Variants in CSMD2 observed in about 807,000 individuals in gnomAD.
CSMD2 encodes the protein CUB and Sushi multiple domains 2.
A neutral mutation model predicts 398.5 loss-of-function variants in CSMD2; 130 were observed. That is an observed-to-expected ratio of 0.33 (90% CI 0.28 to 0.38). The LOEUF is 0.38. CSMD2 is among the 10% of genes least tolerant of loss of function. CSMD2 has a pLI of 1.00. For missense variants in CSMD2, 3,829 were observed against 4,764.9 expected, an observed-to-expected ratio of 0.80 and a Z score of 5.78; for synonymous variants, 1,828 against 1,908.5, an observed-to-expected ratio of 0.96 and a Z score of 1.10.
chr1:33,572,776 G>T lies in CSMD2; in HGVS notation c.7577-85C>A, dbSNP rs1440911985. 7.1e-6 allele frequency: 8 copies of T among 1,121,928 alleles called. No individual in the cohort carries two copies. In the Admixed American group the frequency reaches 2.0e-4, roughly 28 times the overall value. 69.5% of individuals were successfully genotyped at this position (1,121,928 alleles called of 1,614,324 possible). A position where few individuals can be genotyped will look rare whatever the true frequency, so the allele number is the denominator to read the frequency against. On this transcript the variant is annotated intron_variant, in intron 49 of 70. Transcript: ENST00000373381. ...TTTTTATCCTTCCTCCCCTCCCAAG[G>T]TCCTTTTATTAGTAAAAACTAATTA...
intron 12 of CSMD2, among the ~76,000 whole-genome samples, chr1:33,773,569 C>G (rs1373002232): frequency 6.6e-6 from 1 of 152,126 alleles, no homozygotes; most frequent in African/African-American, 2.4e-5. Flanking sequence ...TATGTCCTGG[C>G]CAAGCCTCTG....
chr1:33,668,499 A>G (rs556960169), intron 25 of CSMD2, among the ~76,000 whole-genome samples: 2 of 152,270 alleles, frequency 1.3e-5, no homozygotes, highest in South Asian at 4.1e-4. Flanking sequence ...ACTCTTATTG[A>G]ATACTTATCT....
intron 3 of CSMD2, among the ~76,000 whole-genome samples, chr1:34,000,988 A>C (rs1038075685): frequency 6.7e-6 from 1 of 149,174 alleles, no homozygotes; most frequent in African/African-American, 2.5e-5. Context: ...AGGAGGGGAG[A>C]AGGAGAAAGG....
At chr1:33,749,678 T>C (rs1647941195) in intron 13 of CSMD2, among the ~76,000 whole-genome samples, 1 of 152,038 alleles carries the variant, frequency 6.6e-6, no homozygotes, top group African/African-American at 2.4e-5. Flanking sequence ...TAAATATACA[T>C]AGGGATAGGA....
chr1:33,647,778 C>A (rs1643534315), intron 28 of CSMD2, among the ~76,000 whole-genome samples: 1 of 152,110 alleles, frequency 6.6e-6, no homozygotes, highest in Non-Finnish European at 1.5e-5. Flanking sequence ...GGGACAATGA[C>A]CCAAAGAAAT....
chr1:33,840,226 G>A (rs1660714522), intron 6 of CSMD2: 1 of 152,224 alleles, frequency 6.6e-6, no homozygotes, highest in Non-Finnish European at 1.5e-5. Flanking sequence ...ACAATGATGA[G>A]AGGAAAGAGA....
rs765945877 is a variant in CSMD2, at chr1:33,533,267, T to C, written c.9992-38A>G. On this transcript the variant is annotated intron_variant, in intron 63 of 70. Transcript: ENST00000373381. This position sits in a 1 kb window ranked among gnomAD's most constrained non-coding sequence, Gnocchi z 4.2. ...AAAGACCCTGTTGGACTGGAGGAGATTAGGGGCTTCAGGGGCCCTTTCGAC... is the reference window on the plus strand; with the variant it reads ...AAAGACCCTGTTGGACTGGAGGAGACTAGGGGCTTCAGGGGCCCTTTCGAC... 6.3e-7 allele frequency: 1 copy of C among 1,598,152 alleles called. No individual in the cohort carries two copies. Among genetic ancestry groups the C allele is most frequent in the Middle Eastern group, 1.7e-4 (1 of 6,038 alleles).
chr1:33,592,486 T>G (rs967492013), intron 44 of CSMD2: 1 of 717,028 alleles, frequency 1.4e-6, no homozygotes, highest in Non-Finnish European at 2.6e-6. Flanking sequence ...AGCTGCCAAG[T>G]GCCCTGAGGA....
At chr1:33,704,689 A>T (rs1044822891) in intron 22 of CSMD2, among the ~76,000 whole-genome samples, 2 of 152,240 alleles carry the variant, frequency 1.3e-5, no homozygotes, top group Non-Finnish European at 2.9e-5. Flanking sequence ...TTGTCTAACA[A>T]ATAACATTAT....
chr1:34,032,200 T>C (rs1429357719), intron 3 of CSMD2, among the ~76,000 whole-genome samples: 1 of 152,190 alleles, frequency 6.6e-6, no homozygotes, highest in Non-Finnish European at 1.5e-5. Flanking sequence ...TATGGTGTTT[T>C]CAGTTGCTTA....
chr1:34,165,183 C>A lies in CSMD2; in HGVS notation c.-86G>T. ...GAGAGCTCTGGAGCTTTTTTCTGCT[C>A]GGAAAAAATCCCGGTACGCGGGAGC... On this transcript the variant is annotated 5_prime_UTR_variant, in exon 1 of 71. Transcript: ENST00000373381. 8.5e-7 allele frequency: 1 copy of A among 1,177,802 alleles called. No individual in the cohort carries two copies. The highest frequency in any genetic ancestry group is 4.3e-5 in the South Asian group (1 of 23,352). 73.0% of individuals were successfully genotyped at this position (1,177,802 alleles called of 1,614,324 possible). A position where few individuals can be genotyped will look rare whatever the true frequency, so the allele number is the denominator to read the frequency against.
chr1:33,847,137 C>T, intron 5 of CSMD2, 141 bp from the exon 6 acceptor site: 2 of 546,212 alleles, frequency 3.7e-6, no homozygotes, highest in Non-Finnish European at 3.2e-6. Context: ...GGTGTTGCCC[C>T]AGGCCCCTCC....
At position 34,103,106 on chromosome 1, in the gene CSMD2, C is replaced by T. The variant is rs150463646; in HGVS notation, c.188-13913G>A. On this transcript the variant is annotated intron_variant, in intron 1 of 70. Coordinates refer to ENST00000373381, the MANE Select transcript of CSMD2 (RefSeq NM_001281956.2). The stretch of plus-strand genomic sequence containing the variant: ...ATTCTGTGCTTGGATTGTTCCTTCA[C>T]TCGGCTAACTCCAGGCATTTTCAAA... Among the ~76,000 whole-genome samples, 3 of 152,206 alleles carry T rather than the reference C, an allele frequency of 2.0e-5. No individual in the cohort carries two copies. The East Asian group carries it at 5.8e-4, about 29-fold the overall frequency.
At chr1:33,579,016 A>G (rs6425830) in intron 48 of CSMD2, among the ~76,000 whole-genome samples, 37,477 of 152,042 alleles carry the variant, frequency 0.25, 4,844 homozygotes, top group Middle Eastern at 0.32. Flanking sequence ...CGCAGGTGCA[A>G]ATTACACTCA....
intron 2 of CSMD2, among the ~76,000 whole-genome samples, chr1:34,042,793 G>C (rs930858669): frequency 6.6e-6 from 1 of 151,946 alleles, no homozygotes; most frequent in Non-Finnish European, 1.5e-5. Flanking sequence ...ACCCACACTG[G>C]CTTCTATTTT....
chr1:33,652,502 C>G, intron 27 of CSMD2, 41 bp from the exon 28 acceptor site: 1 of 1,605,540 alleles, frequency 6.2e-7, no homozygotes, highest in South Asian at 1.1e-5. Context: ...GCCTCTTCAC[C>G]CTGGGCTCAT....
rs181762063 is a variant in CSMD2, at chr1:33,518,694, C to T, written c.*53+771G>A. Among the ~76,000 whole-genome samples the T allele has an allele frequency of 4.2e-4, 64 of 152,252 alleles. 1 individual carries two copies. The highest frequency in any genetic ancestry group is 1.5e-3 in the African/African-American group (61 of 41,540). ...AGGTGCTCCAAAGAGGAAGGAATTC[C>T]GTCTCTGACTGCTTTTGGACTCAAG... On this transcript the variant is annotated intron_variant, in intron 70 of 70. Coordinates refer to ENST00000373381, the MANE Select transcript of CSMD2 (RefSeq NM_001281956.2). The surrounding 1 kb of genome is among the most constrained non-coding windows in gnomAD (Gnocchi z 4.3).
At chr1:34,076,928 A>AAAAAAAAAAAAAAAAAAAAATAT (rs1232288848) in intron 2 of CSMD2, among the ~76,000 whole-genome samples, 1 of 53,598 alleles carries the variant, frequency 1.9e-5, no homozygotes, top group Admixed American at 3.1e-4. Context: ...AAAAAAAAAA[A>AAAAAAAAAAAAAAAAAAAAATAT]ATATATATAT....
At chr1:33,752,260 G>A (rs761878788) in intron 13 of CSMD2, among the ~76,000 whole-genome samples, 40 of 152,200 alleles carry the variant, frequency 2.6e-4, no homozygotes, top group Non-Finnish European at 1.2e-4. Context: ...TGGGCCTGGT[G>A]GGACTCATGG....
Sources: gnomAD v4.1 joint callset for allele counts (sites outside exome capture counted in the v4.1 genomes callset) on GRCh38, gnomAD v4.1.1 for gene constraint, Gnocchi (gnomAD v3.1) non-coding constraint, MANE v1.5 for transcripts, NCBI Gene and HGNC (gene_info 2026-07-23, HGNC 2026-07-21) for gene names.